The following ZFAT variants were observed in gnomAD, a reference collection of about 807,000 sequenced individuals.
ZFAT encodes the protein zinc finger and AT-hook domain containing, also known as zinc finger protein ZFAT.
A neutral mutation model predicts 117.7 loss-of-function variants in ZFAT; 64 were observed. That is an observed-to-expected ratio of 0.54 (90% CI 0.44 to 0.67). ZFAT has a LOEUF of 0.67. Ranked by LOEUF, ZFAT falls within the 30% of genes least tolerant of loss-of-function variation. The probability of loss-of-function intolerance (pLI) is 0.00; values close to 1 mark genes in which losing one functional copy is unlikely to be tolerated. For missense variants in ZFAT, 1,433 were observed against 1,584.5 expected (o/e 0.90, Z 1.62); for synonymous variants, 679 against 615.0 (o/e 1.10, Z -1.54).
chr8:134,520,296 T>C (rs1420760749), intron 13 of ZFAT, among the ~76,000 whole-genome samples: 1 of 152,156 alleles, frequency 6.6e-6, no homozygotes, highest in Non-Finnish European at 1.5e-5. Context: ...CAGATCAAAA[T>C]GTCGACAGTG....
At chr8:134,769,434 T>C in the ZFAT span, among the ~76,000 whole-genome samples, 3 of 152,198 alleles carry the variant, frequency 2.0e-5, no homozygotes, top group East Asian at 5.8e-4. Context: ...TGACTCTATG[T>C]TTCACATGCA....
At chr8:134,543,486 C>G (rs923498175) in intron 11 of ZFAT, among the ~76,000 whole-genome samples, 2 of 152,290 alleles carry the variant, frequency 1.3e-5, no homozygotes. Context: ...CTCTCTACTT[C>G]ACTAACTTTC....
chr8:134,640,404 G>C (rs1299294296), intron 2 of ZFAT, among the ~76,000 whole-genome samples: 1 of 152,190 alleles, frequency 6.6e-6, no homozygotes, highest in African/African-American at 2.4e-5. Flanking sequence ...GGGGTAGCCA[G>C]TGTTTTCTCC....
intron 10 of ZFAT, among the ~76,000 whole-genome samples, chr8:134,577,920 C>A (rs1030631488): frequency 6.6e-6 from 1 of 152,074 alleles, no homozygotes; most frequent in Non-Finnish European, 1.5e-5. Flanking sequence ...AAGCCACGGG[C>A]GTCTGGATTA....
At chr8:134,598,245 G>A (rs1344307908) in intron 7 of ZFAT, 1 of 152,200 alleles carries the variant, frequency 6.6e-6, no homozygotes, top group Non-Finnish European at 1.5e-5. Flanking sequence ...CTGCCCAGTG[G>A]AGGAAATACT....
In ZFAT at chr8:134,703,956, T is replaced by C. The variant is rs75195937; in HGVS notation, c.19+8889A>G. 2.5e-3 allele frequency among the ~76,000 whole-genome samples: 374 copies of C among 152,322 alleles called. 5 individuals are homozygous for C. In the East Asian group the frequency reaches 0.044, roughly 18 times the overall value. ...AAAGTCCCCTGCCATATGCCAGGTA[T>C]GTTCCCAATCCTCCTCTATGAAAAC... On this transcript the variant is annotated intron_variant, in intron 1 of 15. Transcript: ENST00000377838.
the ZFAT span, chr8:134,793,229 G>C: frequency 1.3e-5 from 2 of 152,184 alleles, no homozygotes; most frequent in African/African-American, 2.4e-5. Flanking sequence ...TCTAAGAAGG[G>C]AAGTGGACAC....
intron 15 of ZFAT, among the ~76,000 whole-genome samples, chr8:134,491,860 G>C (rs1408401098): frequency 6.6e-6 from 1 of 152,176 alleles, no homozygotes; most frequent in Non-Finnish European, 1.5e-5. Context: ...CTGTGGATGA[G>C]GACGTGGACA....
At chr8:134,696,698 G>T in intron 1 of ZFAT, 1 of 831,636 alleles carries the variant, frequency 1.2e-6, no homozygotes, top group Non-Finnish European at 1.5e-6. Context: ...ATGAGCACAT[G>T]ACACCATCCA....
In ZFAT at chr8:134,486,265, C is replaced by T. The variant is rs558368869; in HGVS notation, c.3493-7544G>A. ...TGCCCTCCCGCAAGCCTGTGCCCTC[C>T]GTCAGGCACTGGGAGGAAGATGAAC... On this transcript the variant is annotated intron_variant, in intron 15 of 15. Coordinates refer to ENST00000377838, the MANE Select transcript of ZFAT (RefSeq NM_020863.4). Among the ~76,000 whole-genome samples, 10 of 152,264 alleles carry T rather than the reference C, an allele frequency of 6.6e-5. No homozygotes were observed. The South Asian group carries it at 1.0e-3, about 16-fold the overall frequency.
intron 15 of ZFAT, among the ~76,000 whole-genome samples, chr8:134,499,804 T>A (rs1363974650): frequency 6.6e-6 from 1 of 152,176 alleles, no homozygotes; most frequent in Non-Finnish European, 1.5e-5. Context: ...AGAGGGACAT[T>A]TGAGGCCCCT....
chr8:134,610,684 G>T (rs575586487), intron 3 of ZFAT, 29 bp from the exon 4 acceptor site: 3 of 1,610,494 alleles, frequency 1.9e-6, no homozygotes, highest in Non-Finnish European at 2.5e-6. Context: ...GATGCATAAG[G>T]TATCCTTTTA....
At chr8:134,640,368 C>T (rs1055676503) in intron 2 of ZFAT, among the ~76,000 whole-genome samples, 1 of 152,186 alleles carries the variant, frequency 6.6e-6, no homozygotes, top group African/African-American at 2.4e-5. Context: ...TGCCCTTAAG[C>T]TTGAGTTTGG....
chr8:134,622,935 C>A (rs1829233908), intron 3 of ZFAT, among the ~76,000 whole-genome samples: 1 of 152,144 alleles, frequency 6.6e-6, no homozygotes, highest in Admixed American at 6.5e-5. Flanking sequence ...CCCACAGGTA[C>A]ACCATGACTT....
intron 11 of ZFAT, among the ~76,000 whole-genome samples, chr8:134,546,180 T>C (rs1054150040): frequency 3.3e-5 from 5 of 152,216 alleles, no homozygotes; most frequent in African/African-American, 1.2e-4. Flanking sequence ...AATGAGGCTA[T>C]AGTAGGAATT....
At chr8:134,815,506 C>G in the ZFAT span, among the ~76,000 whole-genome samples, 1 of 152,206 alleles carries the variant, frequency 6.6e-6, no homozygotes, top group African/African-American at 2.4e-5. Flanking sequence ...CTAATGATCA[C>G]AACACCTCTG....
intron 1 of ZFAT, 29 bp from the exon 2 acceptor site, chr8:134,657,766 A>T (rs377551373): frequency 2.5e-6 from 4 of 1,603,922 alleles, no homozygotes; most frequent in Non-Finnish European, 3.4e-6. Context: ...AAAATATGTT[A>T]TTTCATCTCC....
At chr8:134,690,220 A>G (rs189837716) in intron 1 of ZFAT, among the ~76,000 whole-genome samples, 42 of 152,314 alleles carry the variant, frequency 2.8e-4, no homozygotes, top group African/African-American at 7.2e-4. Flanking sequence ...GCGGGGTAGG[A>G]GAAGGCTTCC....
At chr8:134,814,119 T>C in the ZFAT span, among the ~76,000 whole-genome samples, 2 of 152,200 alleles carry the variant, frequency 1.3e-5, no homozygotes, top group African/African-American at 2.4e-5. Flanking sequence ...CTACCATTTT[T>C]CCCTAATTAT....
Sources: allele counts gnomAD v4.1 joint callset (sites outside exome capture counted in the v4.1 genomes callset), GRCh38; gene constraint gnomAD v4.1.1; transcripts MANE v1.5; gene names NCBI Gene and HGNC (gene_info 2026-07-23, HGNC 2026-07-21).